ENTREP2: variants seen among roughly 807,000 people sequenced by gnomAD.
The protein encoded by ENTREP2 is endosomal transmembrane epsin interactor 2, also known as protein ENTREP2.
At chr15:29,653,316 C>T in the ENTREP2 span, among the ~76,000 whole-genome samples, 2 of 152,086 alleles carry the variant, frequency 1.3e-5, no homozygotes, top group Non-Finnish European at 2.9e-5. Flanking sequence ...TTTCTTTTTT[C>T]TTCTTGTTTC....
the ENTREP2 span, among the ~76,000 whole-genome samples, chr15:29,414,402 G>A: frequency 3.3e-5 from 5 of 152,114 alleles, no homozygotes; most frequent in African/African-American, 1.2e-4. Flanking sequence ...AATGACTACT[G>A]GGTACATCAC....
At chr15:29,477,161 T>A in the ENTREP2 span, among the ~76,000 whole-genome samples, 106 of 152,120 alleles carry the variant, frequency 7.0e-4, no homozygotes, top group Non-Finnish European at 1.3e-3. Context: ...CACTAAATAA[T>A]ACATGTTGTA....
At chr15:29,551,292 C>A in the ENTREP2 span, among the ~76,000 whole-genome samples, 2 of 152,170 alleles carry the variant, frequency 1.3e-5, no homozygotes, top group Non-Finnish European at 2.9e-5. Flanking sequence ...GGCAAAGCTT[C>A]TAGTGTTTGA....
At chr15:29,118,338 T>TA in the ENTREP2 span, 1 of 152,314 alleles carries the variant, frequency 6.6e-6, no homozygotes, top group Non-Finnish European at 1.5e-5. Flanking sequence ...ACTGGTCTGT[T>TA]ACCTCAGCGG....
At chr15:29,235,149 A>G in the ENTREP2 span, 1 of 873,632 alleles carries the variant, frequency 1.1e-6, no homozygotes, top group Non-Finnish European at 1.9e-6. Flanking sequence ...GCTCTGCCTG[A>G]GCGAGGTGGG....
the ENTREP2 span, among the ~76,000 whole-genome samples, chr15:29,601,836 A>G: frequency 1.1e-3 from 166 of 152,334 alleles, no homozygotes; most frequent in East Asian, 0.027. Flanking sequence ...TGACATATGC[A>G]CAATGACCAA....
chr15:29,387,481 A>G, the ENTREP2 span, among the ~76,000 whole-genome samples: 1 of 152,238 alleles, frequency 6.6e-6, no homozygotes, highest in Non-Finnish European at 1.5e-5. Flanking sequence ...GATACAAACA[A>G]ATGGAAGAAC....
chr15:29,123,278 C>T, the ENTREP2 span: 4 of 1,446,044 alleles, frequency 2.8e-6, no homozygotes, highest in Non-Finnish European at 2.8e-6. Context: ...GGCATGATGG[C>T]TTCTGCCAAG....
the ENTREP2 span, among the ~76,000 whole-genome samples, chr15:29,182,940 A>G: frequency 1.3e-5 from 2 of 152,154 alleles, no homozygotes; most frequent in African/African-American, 4.8e-5. Flanking sequence ...ATACAACTAG[A>G]TCCGTATCTC....
the ENTREP2 span, among the ~76,000 whole-genome samples, chr15:29,563,844 A>AAATAAATGAAT: frequency 2.0e-5 from 3 of 150,788 alleles, no homozygotes; most frequent in African/African-American, 7.3e-5. Context: ...CTCAAAAATA[A>AAATAAATGAAT]AAATAAATAA....
chr15:29,331,529 A>C, the ENTREP2 span, among the ~76,000 whole-genome samples: 1 of 152,176 alleles, frequency 6.6e-6, no homozygotes, highest in Non-Finnish European at 1.5e-5. Context: ...TCCAGTTTCG[A>C]GCAGGAGGGA....
At chr15:29,216,310 T>C in the ENTREP2 span, among the ~76,000 whole-genome samples, 1 of 152,224 alleles carries the variant, frequency 6.6e-6, no homozygotes, top group Non-Finnish European at 1.5e-5. Context: ...CCGTTTTAGC[T>C]TGTAGGGTTT....
chr15:29,469,239 G>A, the ENTREP2 span, among the ~76,000 whole-genome samples: 1 of 152,150 alleles, frequency 6.6e-6, no homozygotes, highest in Non-Finnish European at 1.5e-5. Context: ...TCGCTCTGTC[G>A]CCCAGGCTGG....
the ENTREP2 span, among the ~76,000 whole-genome samples, chr15:29,526,337 G>A: frequency 3.3e-5 from 5 of 152,116 alleles, no homozygotes; most frequent in African/African-American, 1.2e-4. Context: ...CAAAGATGGT[G>A]TCCCTCTTGG....
the ENTREP2 span, among the ~76,000 whole-genome samples, chr15:29,392,391 A>G: frequency 8.2e-6 from 1 of 122,226 alleles, no homozygotes; most frequent in Non-Finnish European, 1.6e-5. Flanking sequence ...TTTAGAGCAG[A>G]TTTTTTGGTG....
At chr15:29,168,953 C>G in the ENTREP2 span, among the ~76,000 whole-genome samples, 2 of 152,174 alleles carry the variant, frequency 1.3e-5, no homozygotes, top group African/African-American at 4.8e-5. Context: ...TGTAAATTGC[C>G]TACATGATCA....
the ENTREP2 span, chr15:29,151,775 T>G: frequency 6.4e-7 from 1 of 1,551,800 alleles, no homozygotes; most frequent in South Asian, 1.2e-5. Context: ...ATACAGCACA[T>G]GGCTGTGGCC....
the ENTREP2 span, among the ~76,000 whole-genome samples, chr15:29,487,253 GCCCAGA>G: frequency 1.4e-4 from 21 of 152,182 alleles, no homozygotes; most frequent in Non-Finnish European, 7.3e-5. Flanking sequence ...CCATGTGAAT[GCCCAGA>G]GCAGAACGCA....
At chr15:29,364,160 C>A in the ENTREP2 span, among the ~76,000 whole-genome samples, 1 of 152,164 alleles carries the variant, frequency 6.6e-6, no homozygotes, top group African/African-American at 2.4e-5. Context: ...TATTTTACTA[C>A]GTCTTACGTT....
Sources: allele counts gnomAD v4.1 joint callset (sites outside exome capture counted in the v4.1 genomes callset), GRCh38; gene constraint gnomAD v4.1.1; transcripts MANE v1.5; gene names NCBI Gene and HGNC (gene_info 2026-07-23, HGNC 2026-07-21).